Variants in ANKRD42 observed in about 807,000 individuals in gnomAD.
ANKRD42 encodes the protein ankyrin repeat domain-containing protein 42.
Under a neutral mutation model 51.5 loss-of-function variants are expected in ANKRD42, and 43 were observed. The observed-to-expected ratio is 0.83, with a 90% CI of 0.65 to 1.08. The LOEUF is 1.08. Among genes scored for constraint, ANKRD42 ranks in the 50% least tolerant of loss-of-function variants. The pLI is 0.00. For missense variants in ANKRD42, 608 were observed against 629.3 expected, an observed-to-expected ratio of 0.97 and a Z score of 0.36; for synonymous variants, 203 against 213.0, an observed-to-expected ratio of 0.95 and a Z score of 0.41.
chr11:83,212,230 T>G (rs1227452003), intron 5 of ANKRD42, among the ~76,000 whole-genome samples: 8 of 152,062 alleles, frequency 5.3e-5, no homozygotes, highest in Non-Finnish European at 8.8e-5. Flanking sequence ...TTCAGGCACC[T>G]GCCACCACGC....
intron 2 of ANKRD42, among the ~76,000 whole-genome samples, chr11:83,201,003 T>C (rs1317272244): frequency 2.6e-5 from 4 of 152,166 alleles, no homozygotes; most frequent in African/African-American, 7.2e-5. Flanking sequence ...TTTTAATACT[T>C]TAAGTTCTAG....
chr11:83,262,652 T>C (rs748234851), downstream of ANKRD42, among the ~76,000 whole-genome samples: 3 of 152,304 alleles, frequency 2.0e-5, no homozygotes, highest in South Asian at 4.1e-4. Flanking sequence ...AAGTGAGAGA[T>C]GAATGGAAAA....
chr11:83,206,317 G>A (rs1327359800), intron 3 of ANKRD42, 152 bp downstream of exon 3: 1 of 624,130 alleles, frequency 1.6e-6, no homozygotes, highest in African/African-American at 1.8e-5. Context: ...TCTGATACCA[G>A]CTATCCACTT....
intron 5 of ANKRD42, chr11:83,213,670 G>T (rs1051288289): frequency 3.5e-4 from 230 of 649,350 alleles, no homozygotes; most frequent in Middle Eastern, 6.8e-4. Flanking sequence ...AGGCTATTTG[G>T]TTTTTTTGTG....
chr11:83,244,151 T>C (rs923951642), intron 9 of ANKRD42, among the ~76,000 whole-genome samples: 3 of 151,920 alleles, frequency 2.0e-5, no homozygotes, highest in African/African-American at 7.3e-5. Context: ...CAGCTAATTT[T>C]TGTATTTTTA....
At chr11:83,251,855 T>C (rs1202403362), downstream of ANKRD42, among the ~76,000 whole-genome samples, 1 of 152,188 alleles carries the variant, frequency 6.6e-6, no homozygotes, top group African/African-American at 2.4e-5. Flanking sequence ...TGATAAAATA[T>C]AACGTAGGAT....
intron 3 of ANKRD42, chr11:83,209,335 C>T (rs544186795): frequency 1.3e-5 from 14 of 1,056,284 alleles, no homozygotes; most frequent in African/African-American, 7.8e-5. Flanking sequence ...GGTGGGAGTG[C>T]GTGCTGCTGG....
At chr11:83,224,591 T>G (rs1464584877) in intron 5 of ANKRD42, among the ~76,000 whole-genome samples, 6 of 152,198 alleles carry the variant, frequency 3.9e-5, no homozygotes, top group Admixed American at 3.9e-4. Flanking sequence ...TAATGTGTTA[T>G]TTCTTTTTTC....
chr11:83,233,587 T>C (rs1045289907), intron 7 of ANKRD42, among the ~76,000 whole-genome samples: 2 of 152,226 alleles, frequency 1.3e-5, no homozygotes, highest in Non-Finnish European at 2.9e-5. Flanking sequence ...CATTTGTTTC[T>C]GCTCTGATCT....
intron 6 of ANKRD42, among the ~76,000 whole-genome samples, chr11:83,226,208 CAT>C (rs1341697666): frequency 6.6e-5 from 5 of 75,552 alleles, no homozygotes; most frequent in Non-Finnish European, 1.3e-4. Flanking sequence ...CATATGTACA[CAT>C]ACACACACAC....
rs1863597754 is a variant in ANKRD42, at chr11:83,248,112, A to G, written c.1492A>G (p.Ile498Val). The change falls in exon 11 of 11, where the codon ATT (isoleucine) becomes GTT (valine). Residue 498 changes from isoleucine to valine, a missense_variant. Coordinates refer to ENST00000533342, the MANE Select transcript of ANKRD42 (RefSeq NM_001300975.2). ...GGTTGGTGTCCTTTTTAATACATTT[A>G]TTTTTCTCAAGAAGTATATACAAGA... ...AMVGVLFNTFIFLKKYIQEWP... is the reference protein window; with the variant it reads ...AMVGVLFNTFVFLKKYIQEWP... The G allele has an allele frequency of 6.5e-7, 1 of 1,549,382 alleles. No individual in the cohort carries two copies. Among genetic ancestry groups the G allele is most frequent in the Non-Finnish European group, 8.7e-7 (1 of 1,147,798 alleles).
intron 6 of ANKRD42, among the ~76,000 whole-genome samples, chr11:83,226,943 T>A (rs1223579438): frequency 6.6e-6 from 1 of 152,176 alleles, no homozygotes; most frequent in African/African-American, 2.4e-5. Context: ...TATTATACCA[T>A]TTTATATAAG....
In ANKRD42 at chr11:83,227,731, A is replaced by G; in HGVS notation, c.788-16A>G. On this transcript the variant is annotated splice_polypyrimidine_tract_variant and intron_variant, in intron 6 of 10. Coordinates refer to ENST00000533342, the MANE Select transcript of ANKRD42 (RefSeq NM_001300975.2). ...ACTCTTATGTTTATTGAAATGCTGA[A>G]TTTTTTTATTCATAGCTTTAGCATT... is the stretch of plus-strand genomic sequence containing the variant. 6.3e-7 allele frequency: 1 copy of G among 1,596,790 alleles called. No individual in the cohort carries two copies. The highest frequency in any genetic ancestry group is 1.4e-5 in the African/African-American group (1 of 73,836).
rs1565195327 is a variant in ANKRD42 at position 83,240,783 on chromosome 11, G to T, written c.1044G>T (p.Lys348Asn). ...GGTTTGCCCATTTGGCAGCAGTGAA[G>T]CTGTTAGAGGAGCTACAGAAATATG... ...AKRFAHLAAV[K>N]LLEELQKYDI... Residue 348 changes from lysine (K) to asparagine (N), a missense_variant, in exon 9 of 11, where the codon AAG becomes AAT. Coordinates refer to ENST00000533342, the MANE Select transcript of ANKRD42 (RefSeq NM_001300975.2). 1 of 1,614,010 alleles carries T rather than the reference G, an allele frequency of 6.2e-7. No individual in the cohort carries two copies. The highest frequency in any genetic ancestry group is 8.5e-7 in the Non-Finnish European group (1 of 1,179,972).
chr11:83,256,247 C>T (rs966788514), downstream of ANKRD42: 1 of 174,540 alleles, frequency 5.7e-6, no homozygotes, highest in Non-Finnish European at 1.2e-5. Flanking sequence ...AAATCTAGTT[C>T]TAGATATTAA....
chr11:83,228,196 A>G (rs1461745340), intron 7 of ANKRD42, among the ~76,000 whole-genome samples: 1 of 137,952 alleles, frequency 7.2e-6, no homozygotes, highest in Non-Finnish European at 1.5e-5. Context: ...TGACCTATTA[A>G]TTCATACTAA....
At chr11:83,207,975 C>T (rs903742736) in intron 3 of ANKRD42, among the ~76,000 whole-genome samples, 3 of 151,954 alleles carry the variant, frequency 2.0e-5, no homozygotes, top group South Asian at 2.1e-4. Flanking sequence ...GAGAGTTTTT[C>T]CCCCCCTCCT....
At chr11:83,207,085 A>G (rs545357774) in intron 3 of ANKRD42, among the ~76,000 whole-genome samples, 1 of 152,322 alleles carries the variant, frequency 6.6e-6, no homozygotes, top group South Asian at 2.1e-4. Flanking sequence ...TCATGGTGGA[A>G]GGGGAAGCAA....
chr11:83,205,730 C>T (rs748092168), intron 2 of ANKRD42, among the ~76,000 whole-genome samples: 2 of 152,132 alleles, frequency 1.3e-5, no homozygotes, highest in Non-Finnish European at 2.9e-5. Flanking sequence ...TTTCTTTGGC[C>T]TGCACAGTAT....
Sources: gnomAD v4.1 joint callset for allele counts (sites outside exome capture counted in the v4.1 genomes callset) on GRCh38, gnomAD v4.1.1 for gene constraint, MANE v1.5 for transcripts, NCBI Gene and HGNC (gene_info 2026-07-23, HGNC 2026-07-21) for gene names.